ZMYM6: variants seen among roughly 807,000 people sequenced by gnomAD.
The protein encoded by ZMYM6 is zinc finger MYM-type protein 6.
A neutral mutation model predicts 134.0 loss-of-function variants in ZMYM6; 90 were observed. That is an observed-to-expected ratio of 0.67 (90% CI 0.57 to 0.80). ZMYM6 has a LOEUF of 0.80. Ranked by LOEUF, ZMYM6 falls within the 30% of genes least tolerant of loss-of-function variation. The pLI, the probability that ZMYM6 is intolerant of heterozygous loss-of-function variation, is 0.00. For synonymous variants in ZMYM6, 481 were observed against 524.1 expected, an observed-to-expected ratio of 0.92 and a Z score of 1.12; for missense variants, 1,362 against 1,533.9, an observed-to-expected ratio of 0.89 and a Z score of 1.87.
intron 2 of ZMYM6, among the ~76,000 whole-genome samples, chr1:35,027,404 G>T (rs1038147889): frequency 6.6e-6 from 1 of 152,182 alleles, no homozygotes. Flanking sequence ...TGGGATATGT[G>T]ACTGAAGGAA....
In ZMYM6 at chr1:34,997,756, A is replaced by G. The variant is rs184021359; in HGVS notation, c.1993-5369T>C. Among the ~76,000 whole-genome samples, 663 of 152,260 alleles carry G rather than the reference A, an allele frequency of 4.4e-3. 1 individual carries two copies. The highest frequency in any genetic ancestry group is 6.1e-3 in the Non-Finnish European group (412 of 68,016). On this transcript the variant is annotated intron_variant, in intron 14 of 15. Coordinates refer to ENST00000357182, the MANE Select transcript of ZMYM6 (RefSeq NM_007167.4). The stretch of plus-strand genomic sequence containing the variant: ...GGCTTCCGGGTTTTGTGACATATTT[A>G]GAAAGACCTCTACACCGTTAAAATT...
intron 14 of ZMYM6, among the ~76,000 whole-genome samples, chr1:35,001,505 A>G (rs1036475209): frequency 9.9e-5 from 15 of 152,122 alleles, no homozygotes; most frequent in African/African-American, 3.6e-4. Context: ...TAATTATCTC[A>G]TATATACAGA....
intron 4 of ZMYM6, among the ~76,000 whole-genome samples, chr1:35,015,972 G>C (rs1432335937): frequency 6.9e-6 from 1 of 145,178 alleles, no homozygotes; most frequent in Non-Finnish European, 1.5e-5. Flanking sequence ...TTGTGAGACG[G>C]AGTCTCGCTC....
chr1:35,003,911 A>C (rs962323566), intron 14 of ZMYM6, 57 bp downstream of exon 14: 1 of 1,482,022 alleles, frequency 6.7e-7, no homozygotes, highest in Non-Finnish European at 9.4e-7. Context: ...TGCCATATCC[A>C]AAGTGAAAAT....
Position 35,011,942 on chromosome 1 carries a change from G to A in ZMYM6, c.1010C>T (p.Ser337Leu). The change falls in exon 8 of 16, where the codon TCA becomes TTA. Residue 337 changes from serine (S) to leucine (L), a missense_variant. Around this residue, in one of 3 missense-constraint regions of ZMYM6, gnomAD observed 503 missense variants for 520.8 expected, o/e 0.97. Transcript: ENST00000357182. ...GCAGAAGCTGTATATAGTTCCATTT[G>A]ACATGGCTAGGTGATACTGAGGGAT... ...SAIPQYHLAM[S>L]NGTIYSFCSS... The A allele has an allele frequency of 6.2e-7, 1 of 1,611,142 alleles. No individual in the cohort carries two copies. The highest frequency in any genetic ancestry group is 1.3e-5 in the African/African-American group (1 of 74,942).
rs766655024 is a variant in ZMYM6, at chr1:35,030,626, A to T, written c.14T>A (p.Leu5Ter). The part of the protein sequence containing the change: MKEP[L>*]DGECGKAVVP... ...CACTGCTTTGCCACATTCACCATCC[A>T]AAGGTTCTTTCATTCTAATTTTTTA... Residue 5 changes from leucine (L) to a stop codon, truncating the protein, a stop_gained, in exon 2 of 16, where the codon TTG becomes TAG. Transcript: ENST00000357182. LOFTEE classifies it high-confidence loss of function. 1 of 1,612,480 alleles carries T rather than the reference A, an allele frequency of 6.2e-7. No homozygotes were observed. Among genetic ancestry groups the T allele is most frequent in the Non-Finnish European group, 8.5e-7 (1 of 1,179,778 alleles).
intron 1 of ZMYM6, 38 bp from the exon 2 acceptor site, chr1:35,030,751 G>A (rs369557454): frequency 1.8e-6 from 2 of 1,113,794 alleles, no homozygotes; most frequent in Admixed American, 2.5e-5. Flanking sequence ...TTTTCTTCAG[G>A]CTTATCTATA....
chr1:35,030,750 G>A, intron 1 of ZMYM6, 37 bp from the exon 2 acceptor site: 1 of 1,121,234 alleles, frequency 8.9e-7, no homozygotes, highest in Non-Finnish European at 1.3e-6. Flanking sequence ...TTTTTCTTCA[G>A]GCTTATCTAT....
Position 34,988,524 on chromosome 1 carries a change from A to G in ZMYM6, c.2558T>C (p.Ile853Thr). The G allele has an allele frequency of 6.4e-7, 1 of 1,551,088 alleles. No homozygotes were observed. Among genetic ancestry groups the G allele is most frequent in the Non-Finnish European group, 8.7e-7 (1 of 1,146,796 alleles). Residue 853 changes from isoleucine to threonine, a missense_variant, in exon 16 of 16, where the codon ATT becomes ACT. Ile to Thr is a moderately conservative substitution (Grantham distance 89). Coordinates refer to ENST00000357182, the MANE Select transcript of ZMYM6 (RefSeq NM_007167.4). ...KKPFSIAEEL[I>T]KPYLVEMCSE... ...ACACATTTCTACTAAATATGGTTTAATTAATTCTTCAGCAATGGAGAATGG... is the reference window on the plus strand; with the variant it reads ...ACACATTTCTACTAAATATGGTTTAGTTAATTCTTCAGCAATGGAGAATGG...
intron 4 of ZMYM6, among the ~76,000 whole-genome samples, chr1:35,015,744 ATATAT>A (rs1452997356): frequency 9.3e-6 from 1 of 107,268 alleles, no homozygotes; most frequent in African/African-American, 7.2e-5. Flanking sequence ...AAAAAAAAAA[ATATAT>A]ATATATATAT....
intron 2 of ZMYM6, among the ~76,000 whole-genome samples, chr1:35,026,393 T>C (rs1641415889): frequency 6.6e-6 from 1 of 152,236 alleles, no homozygotes; most frequent in Non-Finnish European, 1.5e-5. Context: ...TATTTATCTC[T>C]TATTTTCCAA....
At chr1:35,009,537 T>A (rs1217427259) in intron 10 of ZMYM6, among the ~76,000 whole-genome samples, 1 of 152,236 alleles carries the variant, frequency 6.6e-6, no homozygotes, top group Non-Finnish European at 1.5e-5. Context: ...AACAAAAAGA[T>A]CTCTGATGTC....
chr1:34,995,240 T>C (rs1640763373), intron 14 of ZMYM6, among the ~76,000 whole-genome samples: 1 of 148,860 alleles, frequency 6.7e-6, no homozygotes, highest in Non-Finnish European at 1.5e-5. Flanking sequence ...TACATATGTA[T>C]ATATGTATAT....
chr1:35,029,367 T>C (rs1361264167), intron 2 of ZMYM6, among the ~76,000 whole-genome samples: 1 of 152,224 alleles, frequency 6.6e-6, no homozygotes, highest in African/African-American at 2.4e-5. Context: ...TGTCATTTAC[T>C]ACTAACTGTG....
intron 15 of ZMYM6, 180 bp downstream of exon 15, chr1:34,992,054 T>C (rs1640684938): frequency 2.6e-6 from 2 of 760,878 alleles, no homozygotes; most frequent in East Asian, 5.8e-5. Flanking sequence ...TTATGATAGC[T>C]GGTTATTAGT....
At position 35,003,976 on chromosome 1, in the gene ZMYM6, T is replaced by C. The variant is rs952159348; in HGVS notation, c.1984A>G (p.Ile662Val). Residue 662 changes from isoleucine to valine, a missense_variant, in exon 14 of 16, where the codon ATT becomes GTT. Physicochemically the swap from Ile to Val is conservative, Grantham distance 29. Coordinates refer to ENST00000357182, the MANE Select transcript of ZMYM6 (RefSeq NM_007167.4). ...GAVTKEAAKI[I>V]QDESTQEDAM... Reference sequence around the variant, plus strand: ...TTAACAATTAAACTCACATCTTGAATGATCTTTGCTGCCTCTTTAGTAACT... The same window carrying C: ...TTAACAATTAAACTCACATCTTGAACGATCTTTGCTGCCTCTTTAGTAACT... 8 of 1,612,210 alleles carry C rather than the reference T, an allele frequency of 5.0e-6. No individual in the cohort carries two copies. The highest frequency in any genetic ancestry group is 6.8e-6 in the Non-Finnish European group (8 of 1,178,690).
At chr1:35,007,730 A>C (rs1233909596) in intron 11 of ZMYM6, among the ~76,000 whole-genome samples, 1 of 151,436 alleles carries the variant, frequency 6.6e-6, no homozygotes, top group African/African-American at 2.4e-5. Flanking sequence ...ACTTGAACCC[A>C]GGAGGCAGAG....
chr1:34,987,887 C>T lies in ZMYM6; in HGVS notation c.3195G>A (p.Pro1065=), dbSNP rs745900968. 1.3e-6 allele frequency: 2 copies of T among 1,551,600 alleles called. No individual in the cohort carries two copies. Among genetic ancestry groups the T allele is most frequent in the Non-Finnish European group, 1.7e-6 (2 of 1,146,956 alleles). ...ATATCCAACGTACTTCAGCATGAAG[C>T]GGTAAACTCACATGCTCAGATCCCA... The part of the protein sequence containing the change: ...EEMGSEHVSL[P]LHAEVRWISR... Residue 1065 remains proline (P), a synonymous_variant, in exon 16 of 16, where the codon CCG becomes CCA. Transcript: ENST00000357182.
At position 34,988,255 on chromosome 1, in the gene ZMYM6, A is replaced by G; in HGVS notation, c.2827T>C (p.Leu943=). The stretch of plus-strand genomic sequence containing the variant: ...TGAGTAGGCATTTCAATGCAAAATA[A>G]TAATTCTTCTTTTACATCACGACAA... ...YDCRDVKEEL[L]FCIEMPTQIT... The change falls in exon 16 of 16, where the codon TTA becomes CTA. Residue 943 remains leucine (L), a synonymous_variant. Transcript: ENST00000357182. 1 of 1,550,344 alleles carries G rather than the reference A, an allele frequency of 6.5e-7. No homozygotes were observed. The highest frequency in any genetic ancestry group is 1.2e-5 in the South Asian group (1 of 83,772).
Sources: gnomAD v4.1 joint callset for allele counts (sites outside exome capture counted in the v4.1 genomes callset) on GRCh38, gnomAD v4.1.1 for gene constraint, gnomAD v4.1.1 regional missense constraint, MANE v1.5 for transcripts, NCBI Gene and HGNC (gene_info 2026-07-23, HGNC 2026-07-21) for gene names.